Variants in KCNMA1 observed in about 807,000 individuals in gnomAD.
KCNMA1 encodes the protein Calcium-activated potassium channel subunit alpha-1.
In KCNMA1, 29 loss-of-function variants were observed where a neutral mutation model predicts 140.0. The ratio of observed to expected loss-of-function variants is 0.21; its 90% CI spans 0.15 to 0.28. The LOEUF is 0.28. Among genes scored for constraint, KCNMA1 ranks in the 10% least tolerant of loss-of-function variants. The pLI is 1.00. For missense variants in KCNMA1, 880 were observed against 1,602.2 expected (o/e 0.55, Z 7.70); for synonymous variants, 612 against 611.9 (o/e 1.00, Z 0.00).
At chr10:76,951,223 T>C (rs2066144271) in intron 21 of KCNMA1, among the ~76,000 whole-genome samples, 1 of 152,178 alleles carries the variant, frequency 6.6e-6, no homozygotes, top group Admixed American at 6.5e-5. Flanking sequence ...ACACCCATCC[T>C]CAGACTGGCC....
downstream of KCNMA1, among the ~76,000 whole-genome samples, chr10:76,880,488 G>A (rs1564673347): frequency 6.6e-6 from 1 of 152,278 alleles, no homozygotes; most frequent in East Asian, 1.9e-4. Context: ...TGGAGACTTG[G>A]TTATGTAGGA....
chr10:77,314,839 T>C (rs1165834919), intron 2 of KCNMA1, among the ~76,000 whole-genome samples: 1 of 151,932 alleles, frequency 6.6e-6, no homozygotes, highest in East Asian at 1.9e-4. Flanking sequence ...CTTGAACTAA[T>C]AGTATTTTTC....
chr10:77,184,756 G>C (rs2098834426), intron 4 of KCNMA1, 67 bp downstream of exon 4: 1 of 971,920 alleles, frequency 1.0e-6, no homozygotes, highest in Non-Finnish European at 1.7e-6. Context: ...GAGGCTGAGG[G>C]GGATGATCCC....
At chr10:76,882,142 T>C (rs28394350), downstream of KCNMA1, among the ~76,000 whole-genome samples, 744 of 152,326 alleles carry the variant, frequency 4.9e-3, 5 homozygotes, top group African/African-American at 0.017. Flanking sequence ...AGAAACAGGC[T>C]GCACTGTGAT....
intron 17 of KCNMA1, 99 bp downstream of exon 17, chr10:77,018,914 T>C: frequency 1.4e-6 from 1 of 739,030 alleles, no homozygotes; most frequent in South Asian, 1.4e-5. Context: ...GCCATAGACA[T>C]GTTAAGGAGT....
At position 76,885,673 on chromosome 10, in the gene KCNMA1, A is replaced by T; in HGVS notation, c.*1593T>A. 5.1e-6 allele frequency: 5 copies of T among 985,326 alleles called. No individual in the cohort carries two copies. Among genetic ancestry groups the T allele is most frequent in the Non-Finnish European group, 6.0e-6 (5 of 829,874 alleles). The allele number at this position is 985,326 out of a possible 1,614,324, so 61.0% of individuals were successfully genotyped here. ...AGTAAAACTTTTCAAATATGTATAT[A>T]CCAGCCTAGTCCATCCATAAGGGAA... On this transcript the variant is annotated 3_prime_UTR_variant, in exon 28 of 28. Transcript: ENST00000286628.
chr10:77,254,593 T>C (rs1372602642), intron 2 of KCNMA1, among the ~76,000 whole-genome samples: 2 of 152,298 alleles, frequency 1.3e-5, no homozygotes, highest in African/African-American at 4.8e-5. Context: ...TAGTGATAAA[T>C]CATATAGTAC....
intron 2 of KCNMA1, among the ~76,000 whole-genome samples, chr10:77,353,728 G>T (rs1435074100): frequency 3.3e-5 from 5 of 152,144 alleles, no homozygotes; most frequent in Non-Finnish European, 5.9e-5. Flanking sequence ...AAGAGATAAA[G>T]TGACAGCCAC....
At chr10:77,115,348 C>T (rs200317742) in intron 6 of KCNMA1, among the ~76,000 whole-genome samples, 2 of 152,114 alleles carry the variant, frequency 1.3e-5, no homozygotes, top group East Asian at 1.9e-4. Context: ...TTATTGAGCC[C>T]TTATTATGTG....
chr10:77,475,603 G>A (rs1408104618), intron 1 of KCNMA1, among the ~76,000 whole-genome samples: 2 of 152,072 alleles, frequency 1.3e-5, no homozygotes, highest in Non-Finnish European at 2.9e-5. Context: ...ATGAAAATAA[G>A]GCAGTGTAAA....
At chr10:77,473,344 T>G (rs1051180497) in intron 1 of KCNMA1, among the ~76,000 whole-genome samples, 1 of 152,278 alleles carries the variant, frequency 6.6e-6, no homozygotes, top group Non-Finnish European at 1.5e-5. Flanking sequence ...TGAAGGCTCT[T>G]GCAATTATCT....
At chr10:77,395,395 C>A (rs915708570) in intron 2 of KCNMA1, among the ~76,000 whole-genome samples, 1 of 152,048 alleles carries the variant, frequency 6.6e-6, no homozygotes, top group Non-Finnish European at 1.5e-5. Context: ...AGCTTATGAA[C>A]CACACAAAAG....
chr10:77,393,349 T>C (rs1006601174), intron 2 of KCNMA1, among the ~76,000 whole-genome samples: 4 of 152,286 alleles, frequency 2.6e-5, no homozygotes, highest in Non-Finnish European at 4.4e-5. Context: ...TACCAGCCCA[T>C]TTCCTCCATG....
chr10:77,057,490 T>C lies in KCNMA1; in HGVS notation c.1749+15607A>G, dbSNP rs75275842. Among the ~76,000 whole-genome samples the C allele has an allele frequency of 3.1e-4, 47 of 152,178 alleles. 1 individual carries two copies. The East Asian group carries it at 7.1e-3, about 23-fold the overall frequency. ...ACAACATTAATAAATATTAGAATAA[T>C]ATAATAGACTATACTTCTCTTGAAT... On this transcript the variant is annotated intron_variant, in intron 14 of 27. Coordinates refer to ENST00000286628, the MANE Select transcript of KCNMA1 (RefSeq NM_001161352.2).
At chr10:77,510,164 G>A (rs2047833947) in intron 1 of KCNMA1, among the ~76,000 whole-genome samples, 1 of 151,986 alleles carries the variant, frequency 6.6e-6, no homozygotes, top group Admixed American at 6.6e-5. Context: ...GTTGCTCAGT[G>A]ATAAGATAAG....
intron 1 of KCNMA1, among the ~76,000 whole-genome samples, chr10:77,578,077 A>G (rs780321068): frequency 1.4e-4 from 21 of 152,180 alleles, no homozygotes; most frequent in Non-Finnish European, 2.5e-4. Context: ...GCCTCTGGAC[A>G]CCTCCAGCAA....
intron 15 of KCNMA1, among the ~76,000 whole-genome samples, chr10:77,034,464 C>T (rs1284503629): frequency 1.3e-5 from 2 of 152,268 alleles, no homozygotes; most frequent in East Asian, 1.9e-4. Flanking sequence ...GCCCAGCTTT[C>T]GCCGGGCGGT....
intron 4 of KCNMA1, 150 bp from the exon 5 acceptor site, chr10:77,183,682 T>A: frequency 1.5e-6 from 1 of 677,150 alleles, no homozygotes; most frequent in Non-Finnish European, 2.7e-6. Context: ...AGATGGGATT[T>A]CACCATGTTG....
At chr10:77,073,434 T>G (rs2153710939) in intron 13 of KCNMA1, among the ~76,000 whole-genome samples, 182 bp from the exon 14 acceptor site, 1 of 152,264 alleles carries the variant, frequency 6.6e-6, no homozygotes, top group Middle Eastern at 3.4e-3. Context: ...CACTTCAGTC[T>G]CTCTGGACTG....
Sources: allele counts gnomAD v4.1 joint callset (sites outside exome capture counted in the v4.1 genomes callset), GRCh38; gene constraint gnomAD v4.1.1; transcripts MANE v1.5; gene names NCBI Gene and HGNC (gene_info 2026-07-23, HGNC 2026-07-21).